TRPC5: variants seen among roughly 807,000 people sequenced by gnomAD.
The protein encoded by TRPC5 is transient receptor potential cation channel subfamily C member 5.
In TRPC5, 9 loss-of-function variants were observed where a neutral mutation model predicts 56.5. The ratio of observed to expected loss-of-function variants is 0.16; its 90% confidence interval spans 0.10 to 0.28. TRPC5 has a LOEUF of 0.28. Ranked by LOEUF, TRPC5 falls within the 10% of genes least tolerant of loss-of-function variation. TRPC5 has a pLI of 1.00. For synonymous variants in TRPC5, 282 were observed against 278.5 expected, an observed-to-expected ratio of 1.01 and a Z score of -0.13; for missense variants, 469 against 748.9, an observed-to-expected ratio of 0.63 and a Z score of 4.36.
In TRPC5 at chrX:111,860,274, A is replaced by G. The variant is rs1480134168; in HGVS notation, c.901-6168T>C. Among the ~76,000 whole-genome samples the G allele has an allele frequency of 3.5e-5, 3 of 86,397 alleles. No individual in the cohort carries two copies. The East Asian group carries it at 1.1e-3, about 33-fold the overall frequency. 75.0% of individuals were successfully genotyped at this position (86,397 alleles called of 115,157 possible). A position where few individuals can be genotyped will look rare whatever the true frequency, so the allele number is the denominator to read the frequency against. ...GAGAAACAAACACGCTTTAAATTCT[A>G]TTCACAGGAGTATACTTTACTTAGT... On this transcript the variant is annotated intron_variant, in intron 3 of 10. Transcript: ENST00000262839.
intron 7 of TRPC5, among the ~76,000 whole-genome samples, chrX:111,794,294 T>C (rs1365376358): frequency 8.9e-6 from 1 of 111,923 alleles, no homozygotes; most frequent in Non-Finnish European, 1.9e-5. Context: ...TCTGTTACAT[T>C]AATCTATATG....
At chrX:112,068,561 G>C (rs1930642583) in intron 1 of TRPC5, among the ~76,000 whole-genome samples, 1 of 112,078 alleles carries the variant, frequency 8.9e-6, no homozygotes, top group Non-Finnish European at 1.9e-5. Context: ...TGAGGTTCTG[G>C]CTTCTGACAT....
At chrX:111,860,289 C>A (rs747534020) in intron 3 of TRPC5, among the ~76,000 whole-genome samples, 19 of 17,723 alleles carry the variant, frequency 1.1e-3, no homozygotes, top group South Asian at 5.3e-3. Context: ...CAGGAGTATA[C>A]TTTACTTAGT....
intron 3 of TRPC5, among the ~76,000 whole-genome samples, chrX:111,855,912 A>G: frequency 8.9e-6 from 1 of 112,378 alleles, no homozygotes. Context: ...ACCGAAAACG[A>G]TATGAACATG....
At chrX:112,063,394 G>C (rs1229899810) in intron 1 of TRPC5, among the ~76,000 whole-genome samples, 1 of 112,054 alleles carries the variant, frequency 8.9e-6, no homozygotes, top group East Asian at 2.8e-4. Context: ...TTTATCCATT[G>C]GCATGTTTTC....
At chrX:112,055,825 G>A (rs1039858897) in intron 1 of TRPC5, among the ~76,000 whole-genome samples, 2 of 109,001 alleles carry the variant, frequency 1.8e-5, no homozygotes, top group Non-Finnish European at 3.8e-5. Flanking sequence ...TAGTAATTGA[G>A]TTAGAAATCA....
At chrX:112,070,063 G>A (rs147312474) in intron 1 of TRPC5, among the ~76,000 whole-genome samples, 1,437 of 111,754 alleles carry the variant, frequency 0.013, 19 homozygotes, top group African/African-American at 0.044. Flanking sequence ...AAATGTCTGG[G>A]GAGGCTGTGC....
intron 6 of TRPC5, among the ~76,000 whole-genome samples, chrX:111,841,942 C>A (rs1334151009): frequency 1.9e-5 from 2 of 107,050 alleles, no homozygotes; most frequent in African/African-American, 7.0e-5. Context: ...AACTCCTTAC[C>A]TTAGGTGATC....
intron 3 of TRPC5, among the ~76,000 whole-genome samples, chrX:111,904,634 G>A (rs895676472): frequency 2.3e-4 from 25 of 110,602 alleles, no homozygotes; most frequent in Non-Finnish European, 4.3e-4. Context: ...GGCCTGTTGG[G>A]GGCTGGGGTG....
At chrX:112,017,522 AG>A (rs1929160891) in intron 1 of TRPC5, among the ~76,000 whole-genome samples, 1 of 109,495 alleles carries the variant, frequency 9.1e-6, no homozygotes, top group Non-Finnish European at 1.9e-5. Context: ...TATTCTTGGG[AG>A]GAGAGGTTTA....
chrX:111,865,030 G>A (rs185412766), intron 3 of TRPC5, among the ~76,000 whole-genome samples: 13 of 110,364 alleles, frequency 1.2e-4, no homozygotes, highest in East Asian at 1.1e-3. Context: ...ACAGAGTACC[G>A]CTCTGTCTGG....
Position 111,981,548 on chromosome X carries a change from C to A in TRPC5, c.-21-29107G>T, listed in dbSNP as rs775198931. Among the ~76,000 whole-genome samples the A allele has an allele frequency of 4.5e-5, 5 of 111,795 alleles. No individual in the cohort carries two copies. In the South Asian group the frequency reaches 1.5e-3, roughly 34 times the overall value. On this transcript the variant is annotated intron_variant, in intron 1 of 10. Transcript: ENST00000262839. The stretch of plus-strand genomic sequence containing the variant: ...CATAAAATTAAGCATCACATGTCCA[C>A]CATTTGTCAATTTGGCACCTAAACA...
chrX:112,000,656 A>G lies in TRPC5; in HGVS notation c.-21-48215T>C, dbSNP rs1387116694. On this transcript the variant is annotated intron_variant, in intron 1 of 10. Transcript: ENST00000262839. ...TTGCGACGATTAGATGATGTAATACATTGCCAACACTTAGGATAGGTACAT... is the reference window on the plus strand; with the variant it reads ...TTGCGACGATTAGATGATGTAATACGTTGCCAACACTTAGGATAGGTACAT... Among the ~76,000 whole-genome samples, 18 of 112,129 alleles carry G rather than the reference A, an allele frequency of 1.6e-4. No individual in the cohort carries two copies. The Admixed American group carries it at 1.7e-3, about 11-fold the overall frequency.
chrX:111,823,597 T>C (rs1359991196), intron 7 of TRPC5, among the ~76,000 whole-genome samples: 1 of 110,360 alleles, frequency 9.1e-6, no homozygotes, highest in Non-Finnish European at 1.9e-5. Context: ...AGGGGCAGAG[T>C]TGAGAAGAAA....
chrX:111,980,596 T>C (rs951377470), intron 1 of TRPC5, among the ~76,000 whole-genome samples: 2 of 111,023 alleles, frequency 1.8e-5, no homozygotes, highest in African/African-American at 6.5e-5. Flanking sequence ...CATTGTTTTT[T>C]CATTTTAGTT....
At chrX:112,074,941 C>G (rs973792141) in intron 1 of TRPC5, among the ~76,000 whole-genome samples, 6 of 112,213 alleles carry the variant, frequency 5.3e-5, no homozygotes, top group Non-Finnish European at 1.1e-4. Context: ...GCATAACTGC[C>G]CCGTAACAAA....
At chrX:111,995,787 G>A (rs1406576648) in intron 1 of TRPC5, among the ~76,000 whole-genome samples, 2 of 111,398 alleles carry the variant, frequency 1.8e-5, no homozygotes, top group African/African-American at 3.3e-5. Context: ...AGTATTCTCT[G>A]ATGGTAGTTT....
At chrX:111,997,371 G>A (rs1569529275) in intron 1 of TRPC5, among the ~76,000 whole-genome samples, 1 of 112,020 alleles carries the variant, frequency 8.9e-6, no homozygotes, top group African/African-American at 3.2e-5. Context: ...GAGATCTGCT[G>A]TTAGTCTGAT....
At chrX:111,855,338 G>T (rs1051204164) in intron 3 of TRPC5, among the ~76,000 whole-genome samples, 16 of 111,367 alleles carry the variant, frequency 1.4e-4, no homozygotes, top group African/African-American at 5.2e-4. Context: ...GCACTACCAG[G>T]TCTGGCCTAT....
Sources: allele counts gnomAD v4.1 joint callset (sites outside exome capture counted in the v4.1 genomes callset), GRCh38; gene constraint gnomAD v4.1.1; transcripts MANE v1.5; gene names NCBI Gene and HGNC (gene_info 2026-07-23, HGNC 2026-07-21).